Variants in MYO15B observed in about 807,000 individuals in gnomAD.
MYO15B encodes the protein myosin XVB.
In MYO15B, 207 loss-of-function variants were observed where a neutral mutation model predicts 119.3. The observed-to-expected ratio is 1.73, with a 90% CI of 1.55 to 1.95. The LOEUF (loss-of-function observed/expected upper bound fraction) is 1.95, where lower values mean the gene tolerates loss of function less well. MYO15B is among the 30% of genes most tolerant of loss of function. The pLI, the probability that MYO15B is intolerant of heterozygous loss-of-function variation, is 0.00. For synonymous variants in MYO15B, 966 were observed against 498.9 expected (o/e 1.94, Z -12.48); for missense variants, 2,264 against 1,203.1 (o/e 1.88, Z -13.04).
exon 9 of MYO15B, chr17:75,592,710 A>G (rs368714358): frequency 1.4e-6 from 1 of 701,714 alleles, no homozygotes. Flanking sequence ...GGCAAGGAGG[A>G]TGCCCAGGAC....
rs78660311 is a variant in MYO15B, at chr17:75,589,479, T to G, written c.1422T>G (p.Gly474=). The change falls in exon 1 of 64, where the codon GGT becomes GGG. Residue 474 remains glycine, a synonymous_variant. Coordinates refer to ENST00000645453, the Ensembl canonical transcript of MYO15B. The surrounding 1 kb of genome is among the most constrained non-coding windows in gnomAD (Gnocchi z 4.2). ...ACGAGGGGCGGGGTCACGAGAGAGG[T>G]GACGAGGGCCGGGACCACCAGAGAG... The G allele has an allele frequency of 0.091, 34,341 of 377,808 alleles. 1,678 individuals are homozygous for G. Among genetic ancestry groups the G allele is most frequent in the African/African-American group, 0.16 (6,604 of 42,134 alleles). 23.4% of individuals were successfully genotyped at this position (377,808 alleles called of 1,614,324 possible).
chr17:75,605,001 G>GTGT (rs1030682914), intron 19 of MYO15B, among the ~76,000 whole-genome samples: 3 of 152,068 alleles, frequency 2.0e-5, no homozygotes, highest in African/African-American at 7.2e-5. Flanking sequence ...GCTGGGCGTG[G>GTGT]TGTTGCATGC....
intron 21 of MYO15B, 86 bp downstream of exon 21, chr17:75,606,107 CAT>C (rs1427668965): frequency 5.0e-6 from 3 of 601,680 alleles, no homozygotes; most frequent in Non-Finnish European, 9.1e-6. Flanking sequence ...GTTGGGGAAA[CAT>C]AGGGCCTCAA....
intron 21 of MYO15B, chr17:75,606,969 AC>A (rs1472815342): frequency 1.0e-5 from 4 of 398,506 alleles, no homozygotes; most frequent in South Asian, 1.3e-4. Context: ...CTGTTGGCTG[AC>A]CGTCTGCCTC....
chr17:75,591,060 A>T (rs1230531831), intron 3 of MYO15B, 44 bp downstream of exon 3: 2 of 671,194 alleles, frequency 3.0e-6, no homozygotes, highest in East Asian at 5.4e-5. Flanking sequence ...CCTCCCAGGC[A>T]GCCCAGTCCC....
exon 55 of MYO15B, chr17:75,624,018 G>C: frequency 2.8e-6 from 2 of 703,024 alleles, no homozygotes; most frequent in African/African-American, 3.5e-5. Flanking sequence ...CGACCAGGCT[G>C]ATGCCCTACC....
Position 75,591,988 on chromosome 17 carries a change from GC to G in MYO15B, c.2560del (p.Leu854CysfsTer72), listed in dbSNP as rs1367440309. 1.4e-6 allele frequency: 1 copy of G among 702,524 alleles called. No homozygotes were observed. The highest frequency in any genetic ancestry group is 2.7e-5 in the East Asian group (1 of 37,304). The allele number at this position is 702,524 out of a possible 1,614,324, so 43.5% of individuals were successfully genotyped here. On this transcript the variant is annotated frameshift_variant, in exon 6 of 64. Coordinates refer to ENST00000645453, the Ensembl canonical transcript of MYO15B. LOFTEE classifies it high-confidence loss of function. Reference sequence around the variant, plus strand: ...CCCTCCCTGTACAGGTGGAGGATATGCTGCCTATACTCAGCAGCTTTGGCCA... The same window carrying G: ...CCCTCCCTGTACAGGTGGAGGATATGTGCCTATACTCAGCAGCTTTGGCCA...
At chr17:75,612,371 G>T (rs1946924403) in intron 25 of MYO15B, among the ~76,000 whole-genome samples, 1 of 152,160 alleles carries the variant, frequency 6.6e-6, no homozygotes, top group Admixed American at 6.5e-5. Context: ...ACAAATGCAG[G>T]TTCAAAACTG....
intron 20 of MYO15B, 64 bp downstream of exon 20, chr17:75,605,685 GCC>G: frequency 1.4e-6 from 1 of 689,888 alleles, no homozygotes; most frequent in Non-Finnish European, 2.7e-6. Context: ...TGCATTCTGG[GCC>G]CAAAGGGACA....
At chr17:75,613,642 C>T (rs1372190315) in intron 28 of MYO15B, 63 bp from the exon 29 acceptor site, 2 of 688,090 alleles carry the variant, frequency 2.9e-6, no homozygotes, top group East Asian at 5.4e-5. Context: ...GACAGCAGCC[C>T]CTTCCTGTCA....
At chr17:75,603,881 CT>C (rs2057447424) in intron 19 of MYO15B, among the ~76,000 whole-genome samples, 1 of 152,172 alleles carries the variant, frequency 6.6e-6, no homozygotes, top group Non-Finnish European at 1.5e-5. Flanking sequence ...TGGGAATCCT[CT>C]GAAGGGCTGG....
rs368345506 is a variant in MYO15B, at chr17:75,602,892, G to A, written c.3792G>A (p.Thr1264=). 84 of 686,386 alleles carry A rather than the reference G, an allele frequency of 1.2e-4. 2 individuals carry two copies. The highest frequency in any genetic ancestry group is 1.1e-3 in the South Asian group (71 of 64,890). The allele number at this position is 686,386 out of a possible 1,614,324, so 42.5% of individuals were successfully genotyped here. A position where few individuals can be genotyped will look rare whatever the true frequency, so the allele number is the denominator to read the frequency against. ...CCAGGGGAGGGCGAGGCAGACCCACGCTGGCCTCTCGCTTCCAGCAGGCCC... is the reference window on the plus strand; with the variant it reads ...CCAGGGGAGGGCGAGGCAGACCCACACTGGCCTCTCGCTTCCAGCAGGCCC... The change falls in exon 17 of 64, where the codon ACG becomes ACA. Residue 1264 remains threonine, a synonymous_variant. Coordinates refer to ENST00000645453, the Ensembl canonical transcript of MYO15B.
rs776514340 is a variant in MYO15B, at chr17:75,596,924, C to T, written c.3525+25C>T. ...GGTAAGGGCCAGGATGGTGACCCCC[C>T]ACCCAGTGTCGGGAAGGAGTGGAGG... On this transcript the variant is annotated intron_variant, in intron 14 of 63. Coordinates refer to ENST00000645453, the Ensembl canonical transcript of MYO15B. 102 of 677,778 alleles carry T rather than the reference C, an allele frequency of 1.5e-4. No individual in the cohort carries two copies. The Middle Eastern group carries it at 2.4e-3, about 16-fold the overall frequency. 42.0% of individuals were successfully genotyped at this position (677,778 alleles called of 1,614,324 possible). A position where few individuals can be genotyped will look rare whatever the true frequency, so the allele number is the denominator to read the frequency against.
chr17:75,605,794 G>A, intron 20 of MYO15B, 70 bp from the exon 21 acceptor site: 1 of 647,462 alleles, frequency 1.5e-6, no homozygotes, highest in South Asian at 1.7e-5. Context: ...GGAGGAGGCT[G>A]AGACCAGAGG....
chr17:75,613,881 C>CG (rs991766701), intron 29 of MYO15B, 104 bp downstream of exon 29: 4 of 615,294 alleles, frequency 6.5e-6, no homozygotes, highest in African/African-American at 5.5e-5. Flanking sequence ...AGAGGTGCCC[C>CG]GGGGTGGGCA....
intron 22 of MYO15B, chr17:75,610,613 A>T (rs1282043190): frequency 1.8e-6 from 1 of 548,484 alleles, no homozygotes; most frequent in East Asian, 2.9e-5. Flanking sequence ...CCCACGTGCT[A>T]CCCCCTCTCT....
chr17:75,594,759 G>A (rs2056739570), exon 11 of MYO15B: 2 of 702,944 alleles, frequency 2.8e-6, no homozygotes, highest in Non-Finnish European at 5.2e-6. Flanking sequence ...TTTGATGCCA[G>A]GTGGCCCTAG....
Position 75,617,794 on chromosome 17 carries a change from C to T in MYO15B, c.6815-16C>T. ...CAGCCCCTCACTGAGGCTCCTCACC[C>T]CCTCCTCTCTGCCAGGCTTGACACA... is the stretch of plus-strand genomic sequence containing the variant. On this transcript the variant is annotated splice_polypyrimidine_tract_variant and intron_variant, in intron 41 of 63. Coordinates refer to ENST00000645453, the Ensembl canonical transcript of MYO15B. The T allele has an allele frequency of 1.4e-6, 1 of 698,122 alleles. No individual in the cohort carries two copies. The highest frequency in any genetic ancestry group is 2.6e-6 in the Non-Finnish European group (1 of 381,606). The allele number at this position is 698,122 out of a possible 1,614,324, so 43.2% of individuals were successfully genotyped here. A position where few individuals can be genotyped will look rare whatever the true frequency, so the allele number is the denominator to read the frequency against.
exon 8 of MYO15B, chr17:75,592,492 G>T: frequency 1.6e-6 from 1 of 608,654 alleles, no homozygotes; most frequent in Non-Finnish European, 2.9e-6. Flanking sequence ...TCCATAGAGC[G>T]GGAGCGGCTC....
Sources: gnomAD v4.1 joint callset for allele counts (sites outside exome capture counted in the v4.1 genomes callset) on GRCh38, gnomAD v4.1.1 for gene constraint, Gnocchi (gnomAD v3.1) non-coding constraint, MANE v1.5 for transcripts, NCBI Gene and HGNC (gene_info 2026-07-23, HGNC 2026-07-21) for gene names.